Variants in SNX24 observed in about 807,000 individuals in gnomAD.
SNX24 encodes sorting nexin-24.
SNX24 carries 22 observed loss-of-function variants against 28.7 expected under a neutral mutation model. The observed-to-expected ratio is 0.77, with a 90% CI of 0.55 to 1.10. The LOEUF is 1.10. SNX24 is among the 50% of genes least tolerant of loss of function. SNX24 has a pLI of 0.00. For synonymous variants in SNX24, 69 were observed against 71.5 expected, an observed-to-expected ratio of 0.96 and a Z score of 0.18; for missense variants, 221 against 201.1, an observed-to-expected ratio of 1.10 and a Z score of -0.60.
At chr5:122,923,422 A>C (rs551572965) in intron 1 of SNX24, among the ~76,000 whole-genome samples, 1 of 152,142 alleles carries the variant, frequency 6.6e-6, no homozygotes, top group Non-Finnish European at 1.5e-5. Flanking sequence ...TGTGATCTTT[A>C]GGAGCTTACT....
chr5:122,963,059 C>T (rs1038654884), intron 3 of SNX24, among the ~76,000 whole-genome samples: 3 of 152,088 alleles, frequency 2.0e-5, no homozygotes, highest in African/African-American at 7.2e-5. Context: ...CATAGTGAAA[C>T]CTCGTCTCTG....
intron 1 of SNX24, among the ~76,000 whole-genome samples, chr5:122,857,596 T>C (rs963900187): frequency 3.3e-5 from 5 of 152,080 alleles, no homozygotes; most frequent in Non-Finnish European, 7.4e-5. Flanking sequence ...GTGTCTGTTG[T>C]TCCCCTCTAT....
chr5:122,981,161 G>A (rs1222915838), intron 3 of SNX24, among the ~76,000 whole-genome samples: 2 of 152,164 alleles, frequency 1.3e-5, no homozygotes, highest in African/African-American at 2.4e-5. Flanking sequence ...AATTTAGTAT[G>A]TTTTTAGTAG....
At chr5:122,906,175 G>C (rs549375931) in intron 1 of SNX24, among the ~76,000 whole-genome samples, 1 of 152,322 alleles carries the variant, frequency 6.6e-6, no homozygotes, top group East Asian at 1.9e-4. Context: ...GTAGTATAGA[G>C]ATTTGTGCTG....
At chr5:122,965,530 A>G (rs1027060833) in intron 3 of SNX24, 3 of 443,498 alleles carry the variant, frequency 6.8e-6, no homozygotes, top group Middle Eastern at 3.3e-4. Context: ...AGGTAGGTGC[A>G]AAATGATGCC....
At chr5:122,989,520 G>A (rs898022200) in intron 3 of SNX24, among the ~76,000 whole-genome samples, 1 of 151,876 alleles carries the variant, frequency 6.6e-6, no homozygotes, top group Admixed American at 6.6e-5. Context: ...CTAAGGGACC[G>A]GGTGGGGGGG....
chr5:122,949,844 C>CGT (rs1163387536), intron 3 of SNX24, among the ~76,000 whole-genome samples: 4 of 152,060 alleles, frequency 2.6e-5, no homozygotes, highest in Non-Finnish European at 5.9e-5. Flanking sequence ...TATCCAAGTA[C>CGT]GTATAGTATC....
intron 3 of SNX24, among the ~76,000 whole-genome samples, chr5:122,988,101 G>C (rs759830219): frequency 1.6e-4 from 25 of 152,174 alleles, no homozygotes; most frequent in Non-Finnish European, 3.5e-4. Context: ...ACTGAGGTGA[G>C]GGTGGTTGAG....
At chr5:123,016,724 A>T (rs1225697448) in intron 5 of SNX24, among the ~76,000 whole-genome samples, 2 of 152,046 alleles carry the variant, frequency 1.3e-5, no homozygotes, top group Non-Finnish European at 2.9e-5. Context: ...TGTGGAAGGT[A>T]AAGGGAAGGG....
At chr5:122,987,393 T>TA (rs1294073325) in intron 3 of SNX24, among the ~76,000 whole-genome samples, 2 of 152,248 alleles carry the variant, frequency 1.3e-5, no homozygotes, top group African/African-American at 4.8e-5. Flanking sequence ...ACAAGCCCTC[T>TA]AGGCGATTCT....
chr5:122,961,481 C>G (rs941292759), intron 3 of SNX24, among the ~76,000 whole-genome samples: 3 of 152,096 alleles, frequency 2.0e-5, no homozygotes, highest in African/African-American at 7.2e-5. Flanking sequence ...GTTCTTTGTT[C>G]TTGTTAAAGA....
intron 1 of SNX24, among the ~76,000 whole-genome samples, chr5:122,930,966 A>G (rs1020003821): frequency 6.6e-6 from 1 of 152,190 alleles, no homozygotes; most frequent in Non-Finnish European, 1.5e-5. Context: ...ATGAGGAAAA[A>G]AATTGATTTT....
intron 1 of SNX24, among the ~76,000 whole-genome samples, chr5:122,863,157 C>G (rs1285357749): frequency 6.6e-6 from 1 of 151,930 alleles, no homozygotes; most frequent in Non-Finnish European, 1.5e-5. Flanking sequence ...TAGTTGTAAG[C>G]ACTATGGAGA....
intron 1 of SNX24, among the ~76,000 whole-genome samples, chr5:122,852,684 G>A (rs1166150414): frequency 6.6e-6 from 1 of 152,086 alleles, no homozygotes; most frequent in East Asian, 1.9e-4. Flanking sequence ...GAACCCCTGA[G>A]CAAATAAGTC....
intron 3 of SNX24, among the ~76,000 whole-genome samples, chr5:122,958,235 G>C (rs35745201): frequency 7.3e-6 from 1 of 136,490 alleles, no homozygotes; most frequent in Non-Finnish European, 1.5e-5. Context: ...GTCATGAAAG[G>C]GTGTTGAATT....
chr5:123,024,011 G>C (rs760783773), intron 5 of SNX24: 1 of 1,611,010 alleles, frequency 6.2e-7, no homozygotes, highest in Non-Finnish European at 8.5e-7. Context: ...TGTCTGGTGA[G>C]AGAAAAGTAG....
At chr5:122,921,147 CCTG>C (rs1758414209) in intron 1 of SNX24, among the ~76,000 whole-genome samples, 1 of 151,972 alleles carries the variant, frequency 6.6e-6, no homozygotes, top group African/African-American at 2.4e-5. Flanking sequence ...GACTCTGTAG[CCTG>C]CTTTTTTTTT....
At chr5:122,965,613 A>C (rs1446317097) in intron 3 of SNX24, 1 of 314,508 alleles carries the variant, frequency 3.2e-6, no homozygotes, top group African/African-American at 2.1e-5. Flanking sequence ...GACAGTGACG[A>C]AATGGATGGG....
intron 6 of SNX24, among the ~76,000 whole-genome samples, chr5:123,004,001 T>C (rs528654780): frequency 2.4e-4 from 36 of 151,048 alleles, no homozygotes; most frequent in Admixed American, 1.3e-3. Flanking sequence ...ATCTTTAGCA[T>C]TTAATTTAAA....
Sources: gnomAD v4.1 joint callset for allele counts (sites outside exome capture counted in the v4.1 genomes callset) on GRCh38, gnomAD v4.1.1 for gene constraint, MANE v1.5 for transcripts, NCBI Gene and HGNC (gene_info 2026-07-23, HGNC 2026-07-21) for gene names.